Variants in BTAF1 observed in about 807,000 individuals in gnomAD.
BTAF1 encodes the protein TATA-binding protein-associated factor 172.
In BTAF1, 38 loss-of-function variants were observed where a neutral mutation model predicts 227.1. The ratio of observed to expected loss-of-function variants is 0.17; its 90% CI spans 0.13 to 0.22. The LOEUF (loss-of-function observed/expected upper bound fraction) is 0.22, where lower values mean the gene tolerates loss of function less well. Ranked by LOEUF, BTAF1 falls within the 10% of genes least tolerant of loss-of-function variation. The pLI, the probability that BTAF1 is intolerant of heterozygous loss-of-function variation, is 1.00. For synonymous variants in BTAF1, 742 were observed against 751.9 expected, an observed-to-expected ratio of 0.99 and a Z score of 0.21; for missense variants, 1,598 against 2,204.0, an observed-to-expected ratio of 0.73 and a Z score of 5.51.
Position 91,982,633 on chromosome 10 carries a change from G to A in BTAF1, c.2095G>A (p.Val699Met). ...CCCICDPGVN[V>M]VTQEIKPAES... is the part of the protein sequence containing the mutation. The stretch of plus-strand genomic sequence containing the variant: ...CTGTATTTGTGATCCAGGTGTAAAT[G>A]TGGTAACTCAAGAAATTAAACCAGC... The change falls in exon 18 of 38, where the codon GTG (valine) becomes ATG (methionine). Residue 699 changes from valine (V) to methionine (M), a missense_variant. By Grantham distance (21) the Val-to-Met change is conservative (BLOSUM62 1). This residue lies in a region of BTAF1 where 318 missense variants were observed against 435.0 expected (regional missense o/e 0.73). Coordinates refer to ENST00000265990, the MANE Select transcript of BTAF1 (RefSeq NM_003972.3). The A allele has an allele frequency of 6.2e-7, 1 of 1,613,846 alleles. No individual in the cohort carries two copies. Among genetic ancestry groups the A allele is most frequent in the Non-Finnish European group, 8.5e-7 (1 of 1,179,852 alleles).
intron 18 of BTAF1, among the ~76,000 whole-genome samples, chr10:91,983,573 G>C (rs1221453373): frequency 6.6e-6 from 1 of 152,198 alleles, no homozygotes; most frequent in Non-Finnish European, 1.5e-5. Flanking sequence ...GTGCCTCTCA[G>C]ACTTAGCAGC....
At chr10:91,946,707 A>G (rs558988077) in intron 4 of BTAF1, among the ~76,000 whole-genome samples, 22 of 152,316 alleles carry the variant, frequency 1.4e-4, no homozygotes, top group Admixed American at 4.6e-4. Flanking sequence ...TTCCTTAGAG[A>G]AATGTCAATT....
In BTAF1 at chr10:92,028,861, G is replaced by T; in HGVS notation, c.5478G>T (p.Leu1826=). Residue 1826 remains leucine (L), a synonymous_variant, in exon 38 of 38, where the codon CTG becomes CTT. Coordinates refer to ENST00000265990, the MANE Select transcript of BTAF1 (RefSeq NM_003972.3). ...GTATGAAATCAATTCTTGAAAACCT[G>T]AGTGATCTTTGGGATCAAGAGCAGT... is the stretch of plus-strand genomic sequence containing the variant. ...KASMKSILEN[L]SDLWDQEQYD... 3 of 1,609,116 alleles carry T rather than the reference G, an allele frequency of 1.9e-6. No individual in the cohort carries two copies. Among genetic ancestry groups the T allele is most frequent in the Non-Finnish European group, 2.5e-6 (3 of 1,178,190 alleles).
chr10:91,991,778 T>G (rs1848775976), intron 20 of BTAF1, among the ~76,000 whole-genome samples: 1 of 71,402 alleles, frequency 1.4e-5, no homozygotes, highest in African/African-American at 1.0e-4. Context: ...TATATATATG[T>G]GTGTGTGTGT....
intron 32 of BTAF1, among the ~76,000 whole-genome samples, chr10:92,014,320 C>T (rs778790939): frequency 1.3e-4 from 20 of 152,218 alleles, no homozygotes; most frequent in Admixed American, 3.3e-4. Context: ...CCTCGACCTC[C>T]GGGTTCAAGT....
intron 11 of BTAF1, among the ~76,000 whole-genome samples, chr10:91,961,636 G>A (rs1016006078): frequency 2.6e-5 from 4 of 151,832 alleles, no homozygotes; most frequent in Admixed American, 6.6e-5. Context: ...TTTTTTCTGT[G>A]TTCTGCACTC....
chr10:91,964,738 T>C (rs995641789), intron 13 of BTAF1, among the ~76,000 whole-genome samples: 1 of 152,182 alleles, frequency 6.6e-6, no homozygotes, highest in Non-Finnish European at 1.5e-5. Flanking sequence ...ATCAAAAATT[T>C]AGTGTCACCA....
intron 12 of BTAF1, 29 bp from the exon 13 acceptor site, chr10:91,964,048 A>G (rs770365161): frequency 6.2e-7 from 1 of 1,610,376 alleles, no homozygotes; most frequent in Admixed American, 1.7e-5. Flanking sequence ...TGCAAAATTG[A>G]TAACTTTTCT....
At chr10:91,926,195 A>G (rs1843816776) in intron 1 of BTAF1, among the ~76,000 whole-genome samples, 1 of 152,196 alleles carries the variant, frequency 6.6e-6, no homozygotes, top group Non-Finnish European at 1.5e-5. Context: ...GTGCAGACTC[A>G]TTTTAATACT....
rs557913533 is a variant in BTAF1, at chr10:92,026,686, G to T, written c.5170G>T (p.Val1724Leu). The T allele has an allele frequency of 2.5e-6, 4 of 1,613,926 alleles. No homozygotes were observed. In the East Asian group the frequency reaches 6.7e-5, roughly 27 times the overall value. The change falls in exon 36 of 38, where the codon GTG becomes TTG. Residue 1724 changes from valine to leucine, a missense_variant. By Grantham distance (32) the Val-to-Leu change is conservative. Transcript: ENST00000265990. ...NLTGADTVVF[V>L]EHDWNPMRDL... ...GACAGGCGCTGACACAGTAGTATTTGTGGAGCATGACTGGAATCCTATGCG... is the reference window on the plus strand; with the variant it reads ...GACAGGCGCTGACACAGTAGTATTTTTGGAGCATGACTGGAATCCTATGCG...
At chr10:92,022,567 G>A (rs532553175) in intron 34 of BTAF1, among the ~76,000 whole-genome samples, 5 of 152,106 alleles carry the variant, frequency 3.3e-5, no homozygotes, top group Admixed American at 1.3e-4. Flanking sequence ...ACAGGTGTGC[G>A]CTACCACACC....
At chr10:91,983,269 G>A (rs967456312) in intron 18 of BTAF1, among the ~76,000 whole-genome samples, 5 of 152,138 alleles carry the variant, frequency 3.3e-5, no homozygotes, top group Admixed American at 2.6e-4. Context: ...CTCTTTAACC[G>A]TTAACTTCTA....
At chr10:91,978,287 G>A (rs969886896) in intron 14 of BTAF1, among the ~76,000 whole-genome samples, 75 of 152,270 alleles carry the variant, frequency 4.9e-4, no homozygotes, top group African/African-American at 1.8e-3. Context: ...AATATAGGGG[G>A]AAAATCTTCC....
chr10:91,980,653 C>G, intron 15 of BTAF1, 95 bp downstream of exon 15: 1 of 942,596 alleles, frequency 1.1e-6, no homozygotes, highest in Non-Finnish European at 1.7e-6. Context: ...ATTCATATCT[C>G]ATGGAGATTT....
At chr10:91,952,378 T>G (rs529806866) in intron 5 of BTAF1, among the ~76,000 whole-genome samples, 8 of 152,302 alleles carry the variant, frequency 5.3e-5, no homozygotes, top group African/African-American at 1.7e-4. Context: ...CTTAACTTTT[T>G]TTATGCCACA....
At chr10:91,991,743 A>G (rs920931800) in intron 20 of BTAF1, among the ~76,000 whole-genome samples, 7 of 151,058 alleles carry the variant, frequency 4.6e-5, no homozygotes, top group Admixed American at 1.3e-4. Context: ...CAACAGAGAA[A>G]GACCCTGTCT....
At chr10:91,940,161 G>T in intron 3 of BTAF1, 95 bp downstream of exon 3, 10 of 695,096 alleles carry the variant, frequency 1.4e-5, no homozygotes, top group East Asian at 3.5e-5. Context: ...CAATTTTAAA[G>T]TCTTAATTTC....
chr10:91,953,034 A>G (rs1436612416), intron 5 of BTAF1, among the ~76,000 whole-genome samples: 4 of 152,198 alleles, frequency 2.6e-5, no homozygotes, highest in Admixed American at 1.3e-4. Context: ...CTTGAGGTTC[A>G]TCGTTGCCAT....
rs1256838673 is a variant in BTAF1 at position 91,991,279 on chromosome 10, T to TATATATATATATATATATATATAAAA, written c.2855-827_2855-826insTATATATATAAAAATATATATATATA. On this transcript the variant is annotated intron_variant, in intron 20 of 37. Transcript: ENST00000265990. ...ATATAAATATAAATATAAATATATATATATATATATATAAATTATCCGGAC... is the reference window on the plus strand; with the variant it reads ...ATATAAATATAAATATAAATATATATATATATATATATATATATATATAAAAATATATATATATAAATTATCCGGAC... Among the ~76,000 whole-genome samples the TATATATATATATATATATATATAAAA allele has an allele frequency of 3.5e-4, 34 of 98,436 alleles. 1 individual carries two copies. Among genetic ancestry groups the TATATATATATATATATATATATAAAA allele is most frequent in the Non-Finnish European group, 6.3e-4 (27 of 43,070 alleles). The allele number at this position is 98,436 out of a possible 152,430, so 64.6% of individuals were successfully genotyped here. A position where few individuals can be genotyped will look rare whatever the true frequency, so the allele number is the denominator to read the frequency against.
Sources: gnomAD v4.1 joint callset for allele counts (sites outside exome capture counted in the v4.1 genomes callset) on GRCh38, gnomAD v4.1.1 for gene constraint, gnomAD v4.1.1 regional missense constraint, MANE v1.5 for transcripts, NCBI Gene and HGNC (gene_info 2026-07-23, HGNC 2026-07-21) for gene names.